Variants in UBE2E2 observed in about 807,000 individuals in gnomAD.
UBE2E2 encodes ubiquitin-conjugating enzyme E2 E2.
UBE2E2 carries 6 observed loss-of-function variants against 24.7 expected under a neutral mutation model. The ratio of observed to expected loss-of-function variants is 0.24; its 90% CI spans 0.13 to 0.48. UBE2E2 has a LOEUF of 0.48. Among genes scored for constraint, UBE2E2 ranks in the 20% least tolerant of loss-of-function variants. The pLI, the probability that UBE2E2 is intolerant of heterozygous loss-of-function variation, is 0.99. For missense variants in UBE2E2, 169 were observed against 245.0 expected, an observed-to-expected ratio of 0.69 and a Z score of 2.07; for synonymous variants, 104 against 83.6, an observed-to-expected ratio of 1.24 and a Z score of -1.33.
intron 3 of UBE2E2, among the ~76,000 whole-genome samples, chr3:23,442,622 C>T (rs759020171): frequency 5.3e-5 from 8 of 152,104 alleles, no homozygotes; most frequent in Non-Finnish European, 1.2e-4. Flanking sequence ...TTATAAAAGC[C>T]TGTTTTATGA....
At chr3:23,400,855 C>A (rs1697206033) in intron 3 of UBE2E2, among the ~76,000 whole-genome samples, 1 of 151,930 alleles carries the variant, frequency 6.6e-6, no homozygotes, top group Admixed American at 6.6e-5. Flanking sequence ...TTATTGGGTA[C>A]TTAAGGCTAT....
intron 3 of UBE2E2, among the ~76,000 whole-genome samples, chr3:23,298,459 C>A (rs1456653767): frequency 6.6e-6 from 1 of 152,126 alleles, no homozygotes. Flanking sequence ...TGAGATACGT[C>A]CCATCAATAC....
chr3:23,397,022 C>T lies in UBE2E2; in HGVS notation c.228-102586C>T, dbSNP rs568948763. On this transcript the variant is annotated intron_variant, in intron 3 of 5. Coordinates refer to ENST00000396703, the MANE Select transcript of UBE2E2 (RefSeq NM_152653.4). ...AACTCCCATTACATCATTTCCTCTT[C>T]CTGACACTTTTCCAGTGTATGATTA... 1.4e-4 allele frequency among the ~76,000 whole-genome samples: 21 copies of T among 152,240 alleles called. No individual in the cohort carries two copies. The South Asian group carries it at 3.7e-3, about 27-fold the overall frequency.
chr3:23,374,989 C>A (rs1416709622), intron 3 of UBE2E2, among the ~76,000 whole-genome samples: 1 of 151,748 alleles, frequency 6.6e-6, no homozygotes, highest in Non-Finnish European at 1.5e-5. Flanking sequence ...CCTTAAAAGC[C>A]ATGAGAGAAG....
chr3:23,571,280 C>CTTCTTTTTTTTT (rs1696217892), intron 5 of UBE2E2, among the ~76,000 whole-genome samples: 1 of 29,866 alleles, frequency 3.3e-5, no homozygotes, highest in East Asian at 1.1e-3. Flanking sequence ...GTGCTCCTTT[C>CTTCTTTTTTTTT]TTTTTTTTTT....
chr3:23,518,141 T>TAAAC lies in UBE2E2; in HGVS notation c.361-14412_361-14409dup, dbSNP rs1694784505. ...ACAGAGAATATTGGAGGGGAAAAGA[T>TAAAC]AAACCCAAAAGAACAGGCTTTGGAA... On this transcript the variant is annotated intron_variant, in intron 4 of 5. Transcript: ENST00000396703. Among the ~76,000 whole-genome samples, 5 of 152,172 alleles carry TAAAC rather than the reference T, an allele frequency of 3.3e-5. No homozygotes were observed. The South Asian group carries it at 1.0e-3, about 32-fold the overall frequency.
At chr3:23,262,458 T>A (rs953145088) in intron 3 of UBE2E2, among the ~76,000 whole-genome samples, 2 of 152,096 alleles carry the variant, frequency 1.3e-5, no homozygotes, top group Non-Finnish European at 2.9e-5. Flanking sequence ...AAAAATGTTT[T>A]TTTGTGGAGA....
chr3:23,549,367 T>C (rs1030663393), intron 5 of UBE2E2, among the ~76,000 whole-genome samples: 2 of 152,224 alleles, frequency 1.3e-5, no homozygotes, highest in African/African-American at 2.4e-5. Context: ...TCAGCAAACC[T>C]TATGATGCCT....
chr3:23,533,943 A>G (rs1345446529), intron 5 of UBE2E2, among the ~76,000 whole-genome samples: 1 of 152,136 alleles, frequency 6.6e-6, no homozygotes, highest in Non-Finnish European at 1.5e-5. Flanking sequence ...AAAATTGTGC[A>G]GGATCATTAT....
chr3:23,372,007 A>G (rs1325897501), intron 3 of UBE2E2, among the ~76,000 whole-genome samples: 3 of 151,992 alleles, frequency 2.0e-5, no homozygotes, highest in Non-Finnish European at 4.4e-5. Flanking sequence ...AATCCCAGCT[A>G]CTCAGGAGGC....
At chr3:23,436,240 A>G (rs924572880) in intron 3 of UBE2E2, among the ~76,000 whole-genome samples, 2 of 151,936 alleles carry the variant, frequency 1.3e-5, no homozygotes, top group African/African-American at 4.8e-5. Context: ...ATGATATTGA[A>G]CCTTAATTTT....
chr3:23,419,713 G>A (rs1006192817), intron 3 of UBE2E2, among the ~76,000 whole-genome samples: 3 of 152,146 alleles, frequency 2.0e-5, no homozygotes, highest in African/African-American at 7.2e-5. Flanking sequence ...TATGGCCTTT[G>A]TGTCTCGTAT....
chr3:23,513,256 A>C (rs534054822), intron 4 of UBE2E2, among the ~76,000 whole-genome samples: 343 of 152,340 alleles, frequency 2.3e-3, no homozygotes, highest in African/African-American at 7.5e-3. Context: ...ATATATATAC[A>C]CAGTAAAAAG....
chr3:23,340,603 T>G (rs994217144), intron 3 of UBE2E2, among the ~76,000 whole-genome samples: 3 of 152,120 alleles, frequency 2.0e-5, no homozygotes, highest in Admixed American at 2.0e-4. Context: ...AAGAAAAAGA[T>G]GCTGAGTGGG....
intron 3 of UBE2E2, among the ~76,000 whole-genome samples, chr3:23,273,609 A>T (rs1268054907): frequency 1.3e-5 from 2 of 152,176 alleles, no homozygotes; most frequent in Non-Finnish European, 2.9e-5. Flanking sequence ...AGAAAAAAAA[A>T]TTGGTTTCAT....
At chr3:23,372,341 T>C (rs1696418586) in intron 3 of UBE2E2, among the ~76,000 whole-genome samples, 2 of 152,182 alleles carry the variant, frequency 1.3e-5, no homozygotes, top group Non-Finnish European at 1.5e-5. Context: ...AAAAATATTC[T>C]TTAAAGTGAT....
intron 3 of UBE2E2, among the ~76,000 whole-genome samples, chr3:23,288,140 C>G (rs1698668636): frequency 6.6e-6 from 1 of 152,018 alleles, no homozygotes; most frequent in Non-Finnish European, 1.5e-5. Context: ...ATCATTTGTT[C>G]CAAGAAATTT....
intron 3 of UBE2E2, among the ~76,000 whole-genome samples, chr3:23,311,840 C>A (rs766450569): frequency 4.6e-5 from 7 of 152,034 alleles, no homozygotes; most frequent in Non-Finnish European, 8.8e-5. Context: ...GGTATCCATC[C>A]CCTCAAGCAT....
chr3:23,473,332 A>G (rs1048109078), intron 3 of UBE2E2, among the ~76,000 whole-genome samples: 1 of 152,116 alleles, frequency 6.6e-6, no homozygotes. Context: ...ATTCAAAATC[A>G]GTTTACATGG....
Sources: allele counts gnomAD v4.1 joint callset (sites outside exome capture counted in the v4.1 genomes callset), GRCh38; gene constraint gnomAD v4.1.1; transcripts MANE v1.5; gene names NCBI Gene and HGNC (gene_info 2026-07-23, HGNC 2026-07-21).